UBE2E2: variants seen among roughly 807,000 people sequenced by gnomAD.
UBE2E2 encodes ubiquitin conjugating enzyme E2 E2, also known as ubiquitin-conjugating enzyme E2 E2.
A neutral mutation model predicts 24.7 loss-of-function variants in UBE2E2; 6 were observed. The observed-to-expected ratio is 0.24, with a 90% confidence interval of 0.13 to 0.48. The LOEUF is 0.48. Ranked by LOEUF, UBE2E2 falls within the 20% of genes least tolerant of loss-of-function variation. The probability of loss-of-function intolerance (pLI) is 0.99; values close to 1 mark genes in which losing one functional copy is unlikely to be tolerated. For missense variants in UBE2E2, 169 were observed against 245.0 expected (o/e 0.69, Z 2.07); for synonymous variants, 104 against 83.6 (o/e 1.24, Z -1.33).
rs756064005 is a variant in UBE2E2, at chr3:23,589,781, G to A, written c.556G>A (p.Ala186Thr). The A allele has an allele frequency of 2.1e-5, 34 of 1,614,078 alleles. No individual in the cohort carries two copies. The highest frequency in any genetic ancestry group is 2.6e-5 in the Non-Finnish European group (31 of 1,180,036). ...CGCCACACAGTACATGACCAACAGA[G>A]CAGAGCATGACCGGATGGCCAGACA... ...SIATQYMTNR[A>T]EHDRMARQWT... Residue 186 changes from alanine to threonine, a missense_variant, in exon 6 of 6, where the codon GCA becomes ACA. Ala to Thr is a moderately conservative substitution (Grantham distance 58). Coordinates refer to ENST00000396703, the MANE Select transcript of UBE2E2 (RefSeq NM_152653.4). The surrounding 1 kb of genome is among the most constrained non-coding windows in gnomAD (Gnocchi z 4.1).
chr3:23,234,332 A>C lies in UBE2E2; in HGVS notation c.227+17020A>C, dbSNP rs73821301. 5.1e-3 allele frequency among the ~76,000 whole-genome samples: 778 copies of C among 151,992 alleles called. 6 individuals are homozygous for C. Among genetic ancestry groups the C allele is most frequent in the African/African-American group, 0.018 (726 of 41,462 alleles). On this transcript the variant is annotated intron_variant, in intron 3 of 5. Transcript: ENST00000396703. ...AGCTGGGGACTCCTGACTGGACTTT[A>C]GAGATTTTGGTAAATTTTGGTTGAG...
At chr3:23,432,404 G>A (rs961331050) in intron 3 of UBE2E2, among the ~76,000 whole-genome samples, 1 of 151,976 alleles carries the variant, frequency 6.6e-6, no homozygotes, top group Non-Finnish European at 1.5e-5. Context: ...GCATTTAAAA[G>A]CAAATTTCTA....
intron 3 of UBE2E2, among the ~76,000 whole-genome samples, chr3:23,368,807 A>C (rs1696326942): frequency 6.6e-6 from 1 of 152,306 alleles, no homozygotes; most frequent in African/African-American, 2.4e-5. Context: ...ATATACTGTA[A>C]TGTTTTAAAA....
chr3:23,440,796 GAAA>G lies in UBE2E2; in HGVS notation c.228-58807_228-58805del, dbSNP rs945745958. ...TCTTTGACTTGGATTTAAAAAAAAA[GAAA>G]AAAAGTGTCCTGAAGTCATTTCCTG... On this transcript the variant is annotated intron_variant, in intron 3 of 5. Coordinates refer to ENST00000396703, the MANE Select transcript of UBE2E2 (RefSeq NM_152653.4). Among the ~76,000 whole-genome samples the G allele has an allele frequency of 2.6e-5, 4 of 151,996 alleles. No homozygotes were observed. The South Asian group carries it at 8.3e-4, about 32-fold the overall frequency.
chr3:23,495,704 G>A (rs1699584427), intron 3 of UBE2E2, among the ~76,000 whole-genome samples: 1 of 152,132 alleles, frequency 6.6e-6, no homozygotes, highest in Non-Finnish European at 1.5e-5. Context: ...GAGTGAGTGA[G>A]CTTGTCTGGC....
At chr3:23,270,813 A>G (rs1162636852) in intron 3 of UBE2E2, 4 of 408,890 alleles carry the variant, frequency 9.8e-6, no homozygotes, top group Admixed American at 5.5e-5. Flanking sequence ...AATTCATTTA[A>G]CACACTCTCT....
At chr3:23,218,453 T>A (rs527769057) in intron 3 of UBE2E2, among the ~76,000 whole-genome samples, 1 of 152,106 alleles carries the variant, frequency 6.6e-6, no homozygotes, top group East Asian at 1.9e-4. Flanking sequence ...CTTTTGGTGG[T>A]CAATGATTAT....
chr3:23,479,699 T>A (rs1417804183), intron 3 of UBE2E2, among the ~76,000 whole-genome samples: 1 of 152,182 alleles, frequency 6.6e-6, no homozygotes, highest in Non-Finnish European at 1.5e-5. Flanking sequence ...AGAATGGCTC[T>A]CAGGAGACCT....
chr3:23,221,992 TC>T (rs1035417326), intron 3 of UBE2E2, among the ~76,000 whole-genome samples: 1 of 152,186 alleles, frequency 6.6e-6, no homozygotes, highest in African/African-American at 2.4e-5. Flanking sequence ...ATTCTTTTTT[TC>T]CTCTTGATCC....
intron 3 of UBE2E2, 93 bp from the exon 4 acceptor site, chr3:23,499,515 G>T (rs1699674079): frequency 4.8e-6 from 7 of 1,463,446 alleles, no homozygotes; most frequent in Non-Finnish European, 6.4e-6. Context: ...GTGTTTTTAT[G>T]GAATTGCTCA....
In UBE2E2 at chr3:23,356,003, A is replaced by G. The variant is rs533579032; in HGVS notation, c.227+138691A>G. ...ATCAACTGATTGAATTGATTACTTC[A>G]TTAAAGCTAGAAATACAGATCTGAT... On this transcript the variant is annotated intron_variant, in intron 3 of 5. Transcript: ENST00000396703. Among the ~76,000 whole-genome samples the G allele has an allele frequency of 2.6e-5, 4 of 152,190 alleles. No individual in the cohort carries two copies. The South Asian group carries it at 8.3e-4, about 32-fold the overall frequency.
At chr3:23,517,360 G>T (rs1051783955) in intron 4 of UBE2E2, among the ~76,000 whole-genome samples, 1 of 152,068 alleles carries the variant, frequency 6.6e-6, no homozygotes, top group Non-Finnish European at 1.5e-5. Flanking sequence ...AAATTTGAAT[G>T]ACAAAGCACA....
intron 3 of UBE2E2, among the ~76,000 whole-genome samples, chr3:23,446,498 A>G (rs1251161852): frequency 6.6e-6 from 1 of 152,138 alleles, no homozygotes; most frequent in Non-Finnish European, 1.5e-5. Flanking sequence ...AAGAGTTAAC[A>G]TTGCCCTGGG....
rs568637404 is a variant in UBE2E2, at chr3:23,354,848, A to G, written c.227+137536A>G. ...ATTCCTCAGGGATCTAGAACTAGACATACCATTTGACCCAGCCATCCCATT... is the reference window on the plus strand; with the variant it reads ...ATTCCTCAGGGATCTAGAACTAGACGTACCATTTGACCCAGCCATCCCATT... On this transcript the variant is annotated intron_variant, in intron 3 of 5. Coordinates refer to ENST00000396703, the MANE Select transcript of UBE2E2 (RefSeq NM_152653.4). Among the ~76,000 whole-genome samples, 3 of 152,350 alleles carry G rather than the reference A, an allele frequency of 2.0e-5. No homozygotes were observed. In the South Asian group the frequency reaches 6.2e-4, roughly 32 times the overall value.
chr3:23,347,698 A>G (rs1695604357), intron 3 of UBE2E2, among the ~76,000 whole-genome samples: 1 of 152,188 alleles, frequency 6.6e-6, no homozygotes, highest in Non-Finnish European at 1.5e-5. Flanking sequence ...AACTTAAAGT[A>G]TAATAATAAA....
intron 3 of UBE2E2, among the ~76,000 whole-genome samples, chr3:23,361,261 C>T (rs963507296): frequency 8.5e-5 from 13 of 152,294 alleles, no homozygotes; most frequent in Admixed American, 2.6e-4. Context: ...CTATGGAAAA[C>T]AGTGTGGAGA....
intron 3 of UBE2E2, among the ~76,000 whole-genome samples, chr3:23,457,443 G>A (rs958066089): frequency 2.0e-5 from 3 of 152,134 alleles, no homozygotes; most frequent in East Asian, 1.9e-4. Context: ...GACTTAAATA[G>A]CCACCTTCAT....
intron 3 of UBE2E2, among the ~76,000 whole-genome samples, chr3:23,461,613 A>G (rs985895080): frequency 6.6e-6 from 1 of 151,930 alleles, no homozygotes; most frequent in Non-Finnish European, 1.5e-5. Flanking sequence ...TCCTTTATAC[A>G]GGTTTTTTTT....
intron 5 of UBE2E2, among the ~76,000 whole-genome samples, chr3:23,572,571 G>A (rs1696252891): frequency 6.6e-6 from 1 of 152,036 alleles, no homozygotes; most frequent in South Asian, 2.1e-4. Flanking sequence ...AGTGCCTTTT[G>A]TTCCCATCTT....
Sources: allele counts gnomAD v4.1 joint callset (sites outside exome capture counted in the v4.1 genomes callset), GRCh38; gene constraint gnomAD v4.1.1; non-coding constraint Gnocchi (gnomAD v3.1); transcripts MANE v1.5; gene names NCBI Gene and HGNC (gene_info 2026-07-23, HGNC 2026-07-21).